Variants in NRG1 observed in about 807,000 individuals in gnomAD.
The protein encoded by NRG1 is neuregulin 1.
NRG1 carries 18 observed loss-of-function variants against 63.8 expected under a neutral mutation model. The observed-to-expected ratio is 0.28, with a 90% CI of 0.19 to 0.42. NRG1 has a LOEUF of 0.42. Among genes scored for constraint, NRG1 ranks in the 10% least tolerant of loss-of-function variants. The probability of loss-of-function intolerance (pLI) is 1.00; values close to 1 mark genes in which losing one functional copy is unlikely to be tolerated. For synonymous variants in NRG1, 302 were observed against 301.3 expected, an observed-to-expected ratio of 1.00 and a Z score of -0.02; for missense variants, 762 against 814.7, an observed-to-expected ratio of 0.94 and a Z score of 0.79.
intron 1 of NRG1, among the ~76,000 whole-genome samples, chr8:31,685,930 G>A (rs575158352): frequency 9.9e-5 from 15 of 152,046 alleles, no homozygotes; most frequent in African/African-American, 3.4e-4. Flanking sequence ...TTTACTTTTT[G>A]CTATATAAAT....
intron 1 of NRG1, among the ~76,000 whole-genome samples, chr8:31,818,880 AC>A (rs1160497250): frequency 6.6e-6 from 1 of 152,012 alleles, no homozygotes; most frequent in Non-Finnish European, 1.5e-5. Context: ...ACACGGTGAA[AC>A]CCTGTCTCTA....
At chr8:32,541,412 C>T (rs1832558280) in intron 1 of NRG1, among the ~76,000 whole-genome samples, 1 of 151,858 alleles carries the variant, frequency 6.6e-6, no homozygotes, top group Non-Finnish European at 1.5e-5. Context: ...CTCCATACAG[C>T]CCTGTTATCA....
chr8:32,731,279 G>A (rs530530642), intron 6 of NRG1, among the ~76,000 whole-genome samples: 6 of 152,106 alleles, frequency 3.9e-5, no homozygotes, highest in Non-Finnish European at 7.4e-5. Flanking sequence ...TAGTAAAAAC[G>A]TGCTATATTT....
intron 1 of NRG1, among the ~76,000 whole-genome samples, chr8:32,323,983 C>A (rs761932018): frequency 2.0e-5 from 3 of 152,088 alleles, no homozygotes; most frequent in Non-Finnish European, 4.4e-5. Context: ...CCTCTCACAA[C>A]AATCGTGTCA....
At chr8:31,701,067 T>C (rs1475808091) in intron 1 of NRG1, among the ~76,000 whole-genome samples, 1 of 152,208 alleles carries the variant, frequency 6.6e-6, no homozygotes, top group Non-Finnish European at 1.5e-5. Context: ...TTATTAGTCA[T>C]GTGAATTCAG....
intron 5 of NRG1, among the ~76,000 whole-genome samples, chr8:32,644,176 C>T (rs950721056): frequency 1.3e-5 from 2 of 152,058 alleles, no homozygotes; most frequent in Non-Finnish European, 2.9e-5. Flanking sequence ...CTGGGTGGAA[C>T]TCAACAAAGG....
At chr8:32,277,342 A>G (rs1034429129) in intron 1 of NRG1, among the ~76,000 whole-genome samples, 1 of 152,180 alleles carries the variant, frequency 6.6e-6, no homozygotes, top group African/African-American at 2.4e-5. Flanking sequence ...TAAGGGAAAG[A>G]TATTTTATTG....
At chr8:31,945,911 C>T (rs1585971418) in intron 1 of NRG1, among the ~76,000 whole-genome samples, 1 of 152,190 alleles carries the variant, frequency 6.6e-6, no homozygotes, top group African/African-American at 2.4e-5. Context: ...TTCATTAGCA[C>T]ACCATTTACT....
At chr8:32,379,514 G>T (rs1810069220) in intron 1 of NRG1, among the ~76,000 whole-genome samples, 1 of 152,138 alleles carries the variant, frequency 6.6e-6, no homozygotes, top group African/African-American at 2.4e-5. Flanking sequence ...TGTGACAAAA[G>T]AATGAATGGA....
chr8:32,167,154 G>A (rs1238694784), intron 1 of NRG1, among the ~76,000 whole-genome samples: 2 of 152,132 alleles, frequency 1.3e-5, no homozygotes, highest in Non-Finnish European at 2.9e-5. Flanking sequence ...ATTAATCTAA[G>A]TGTAAGTCAA....
intron 1 of NRG1, among the ~76,000 whole-genome samples, chr8:32,366,675 G>GTATATATATA (rs1461103070): frequency 3.5e-4 from 19 of 54,524 alleles, no homozygotes; most frequent in South Asian, 1.7e-3. Flanking sequence ...GTGTGTGTGT[G>GTATATATATA]TGTATATATA....
intron 1 of NRG1, among the ~76,000 whole-genome samples, chr8:31,748,190 A>G (rs902674633): frequency 6.6e-6 from 1 of 152,026 alleles, no homozygotes. Context: ...TTTAGCTTAT[A>G]GATGAAATGT....
At chr8:32,756,377 AT>A (rs772395620) in intron 8 of NRG1, 25 bp from the exon 9 acceptor site, 2 of 1,599,828 alleles carry the variant, frequency 1.3e-6, no homozygotes, top group South Asian at 1.1e-5. Context: ...TCAAAAAAAA[AT>A]AAATGCTCCC....
chr8:32,284,489 G>GCCTTCCTTCCTTCCTTCCTTCCTT (rs367763292), intron 1 of NRG1, among the ~76,000 whole-genome samples: 43 of 132,610 alleles, frequency 3.2e-4, no homozygotes, highest in Non-Finnish European at 3.8e-4. Flanking sequence ...CTGCCTGCCT[G>GCCTTCCTTCCTTCCTTCCTTCCTT]CCTTCCTTCC....
chr8:32,107,563 T>C (rs1032744792), intron 1 of NRG1, among the ~76,000 whole-genome samples: 1 of 152,226 alleles, frequency 6.6e-6, no homozygotes, highest in Non-Finnish European at 1.5e-5. Context: ...ATTCTTGATT[T>C]TTTTATTGTT....
intron 1 of NRG1, among the ~76,000 whole-genome samples, chr8:31,885,955 C>T (rs1206658364): frequency 6.6e-6 from 1 of 151,980 alleles, no homozygotes; most frequent in Non-Finnish European, 1.5e-5. Flanking sequence ...TAGAGGTGTA[C>T]ACATATACTA....
intron 1 of NRG1, among the ~76,000 whole-genome samples, chr8:32,021,202 C>T (rs560215007): frequency 6.6e-6 from 1 of 152,234 alleles, no homozygotes; most frequent in South Asian, 2.1e-4. Flanking sequence ...CAAAAGAACA[C>T]CTGAGACTGA....
At chr8:32,058,392 C>T (rs550197468) in intron 1 of NRG1, among the ~76,000 whole-genome samples, 1 of 151,914 alleles carries the variant, frequency 6.6e-6, no homozygotes. Flanking sequence ...ACAGGAACCA[C>T]TCCATAATTA....
At chr8:31,660,880 T>C (rs1805924331) in intron 1 of NRG1, among the ~76,000 whole-genome samples, 1 of 152,234 alleles carries the variant, frequency 6.6e-6, no homozygotes, top group African/African-American at 2.4e-5. Flanking sequence ...CCATCATTTA[T>C]TCTTTTAAAT....
Sources: gnomAD v4.1 joint callset for allele counts (sites outside exome capture counted in the v4.1 genomes callset) on GRCh38, gnomAD v4.1.1 for gene constraint, MANE v1.5 for transcripts, NCBI Gene and HGNC (gene_info 2026-07-23, HGNC 2026-07-21) for gene names.